The following VSIG8 variants were observed in gnomAD, a reference collection of about 807,000 sequenced individuals.
VSIG8 encodes V-set and immunoglobulin domain-containing protein 8.
In VSIG8, 32 loss-of-function variants were observed where a neutral mutation model predicts 42.6. The observed-to-expected ratio is 0.75, with a 90% CI of 0.57 to 1.01. The LOEUF is 1.01. VSIG8 is among the 50% of genes least tolerant of loss of function. The pLI, the probability that VSIG8 is intolerant of heterozygous loss-of-function variation, is 0.00. For synonymous variants in VSIG8, 290 were observed against 243.8 expected (o/e 1.19, Z -1.77); for missense variants, 529 against 558.0 (o/e 0.95, Z 0.52).
chr1:159,859,151 T>C (rs1648945039), intron 1 of VSIG8, among the ~76,000 whole-genome samples: 8 of 152,224 alleles, frequency 5.3e-5, no homozygotes, highest in Admixed American at 5.2e-4. Context: ...CTTGTATGTA[T>C]ATATGATTAT....
chr1:159,857,694 G>T, intron 4 of VSIG8, 51 bp downstream of exon 4: 1 of 1,511,688 alleles, frequency 6.6e-7, no homozygotes, highest in Non-Finnish European at 9.1e-7. Context: ...AGGTCCCAGA[G>T]TCCCTGATCT....
rs41264827 is a variant in VSIG8, at chr1:159,857,957, G to A, written c.440C>T (p.Ala147Val). Residue 147 changes from alanine to valine, a missense_variant, in exon 4 of 7, where the codon GCA becomes GTA. By Grantham distance (64) the Ala-to-Val change is moderately conservative. Coordinates refer to ENST00000368100, the MANE Select transcript of VSIG8 (RefSeq NM_001013661.1). ...KVIVTVQARPAVPMCWTEGHM... is the reference protein window; with the variant it reads ...KVIVTVQARPVVPMCWTEGHM... ...GCCCTCTGTCCAGCACATGGGCACT[G>A]CAGGTCGTGCTGCAAGGAGGCAGAC... is the stretch of plus-strand genomic sequence containing the variant. The A allele has an allele frequency of 0.02, 31,774 of 1,613,814 alleles. 363 individuals carry two copies. The highest frequency in any genetic ancestry group is 0.023 in the Non-Finnish European group (27,064 of 1,179,832).
At chr1:159,858,443 A>G in intron 2 of VSIG8, 152 bp from the exon 3 acceptor site, 3 of 861,864 alleles carry the variant, frequency 3.5e-6, no homozygotes. Flanking sequence ...CTGACCTCTT[A>G]CAGAACTGGT....
rs1370300976 is a variant in VSIG8 at position 159,862,501 on chromosome 1, G to A, written c.21C>T (p.Phe7=). Residue 7 remains phenylalanine (F), a synonymous_variant, in exon 1 of 7, where the codon TTC becomes TTT. Coordinates refer to ENST00000368100, the MANE Select transcript of VSIG8 (RefSeq NM_001013661.1). ...GGCTCAGGCACACGAGTAGAAGGTG[G>A]AATGCTCCTCCAACTCTCATGTCTC... MRVGGA[F]HLLLVCLSPA... is the part of the protein sequence containing the mutation. The A allele has an allele frequency of 6.2e-7, 1 of 1,613,192 alleles. No individual in the cohort carries two copies. Among genetic ancestry groups the A allele is most frequent in the Non-Finnish European group, 8.5e-7 (1 of 1,179,438 alleles).
intron 1 of VSIG8, among the ~76,000 whole-genome samples, chr1:159,859,784 G>A (rs916215732): frequency 9.9e-5 from 15 of 152,026 alleles, no homozygotes; most frequent in Non-Finnish European, 1.5e-4. Context: ...TGTGTGGCTC[G>A]CATGCAGCTG....
At chr1:159,855,432 T>G (rs755147182) in intron 6 of VSIG8, 2 of 1,415,648 alleles carry the variant, frequency 1.4e-6, no homozygotes, top group Non-Finnish European at 1.8e-6. Flanking sequence ...TTCTCCATCT[T>G]TCCCTCCATC....
chr1:159,854,911 G>C lies in VSIG8; in HGVS notation c.1087C>G (p.Pro363Ala), dbSNP rs1317153949. ...ACGTCCTCGGGGCCGCCGCAGGGGG[G>C]AGGCGCGTACTTGCGGCGCAGGGAG... ...SRSLRRKYAP[P>A]PCGGPEDVAL... Residue 363 changes from proline (P) to alanine (A), a missense_variant, in exon 7 of 7, where the codon CCC becomes GCC. Physicochemically the swap from Pro to Ala is conservative, Grantham distance 27 (BLOSUM62 -1). Coordinates refer to ENST00000368100, the MANE Select transcript of VSIG8 (RefSeq NM_001013661.1). 4.0e-6 allele frequency: 6 copies of C among 1,494,866 alleles called. No homozygotes were observed. Among genetic ancestry groups the C allele is most frequent in the Non-Finnish European group, 5.3e-6 (6 of 1,130,114 alleles). The allele number at this position is 1,494,866 out of a possible 1,614,324, so 92.6% of individuals were successfully genotyped here.
rs746162076 is a variant in VSIG8 at position 159,857,933 on chromosome 1, C to A, written c.464G>T (p.Gly155Val). 1 of 1,614,154 alleles carries A rather than the reference C, an allele frequency of 6.2e-7. No individual in the cohort carries two copies. ...RPAVPMCWTE[G>V]HMTYGNDVVL... ...CACATCGTTGCCATATGTCATGTGG[C>A]CCTCTGTCCAGCACATGGGCACTGC... Residue 155 changes from glycine to valine, a missense_variant, in exon 4 of 7, where the codon GGC becomes GTC. Transcript: ENST00000368100.
In VSIG8 at chr1:159,862,546, G is replaced by T. The variant is rs368431665; in HGVS notation, c.-25C>A. Reference sequence around the variant, plus strand: ...TGTCTCTAGGCTCGGTGTTTCCTCCGTCTGGGCTGGGTATCCCGTGGGGTC... The same window carrying T: ...TGTCTCTAGGCTCGGTGTTTCCTCCTTCTGGGCTGGGTATCCCGTGGGGTC... On this transcript the variant is annotated 5_prime_UTR_variant, in exon 1 of 7. Transcript: ENST00000368100. The T allele has an allele frequency of 3.1e-6, 5 of 1,609,874 alleles. No individual in the cohort carries two copies. The African/African-American group carries it at 6.7e-5, about 22-fold the overall frequency.
rs1319794482 is a variant in VSIG8 at position 159,859,655 on chromosome 1, G to A, written c.50-743C>T. Among the ~76,000 whole-genome samples the A allele has an allele frequency of 3.3e-5, 5 of 152,318 alleles. 1 individual carries two copies. The South Asian group carries it at 6.2e-4, about 19-fold the overall frequency. On this transcript the variant is annotated intron_variant, in intron 1 of 6. Coordinates refer to ENST00000368100, the MANE Select transcript of VSIG8 (RefSeq NM_001013661.1). ...TGTGACCAGGAGCCTGGCTGTGTTC[G>A]TGTGTGATAGTGAGTGATGGTGTGT...
Position 159,854,824 on chromosome 1 carries a change from T to A in VSIG8, c.1174A>T (p.Lys392Ter). Residue 392 changes from lysine (K) to a stop codon, truncating the protein, a stop_gained, in exon 7 of 7, where the codon AAG becomes TAG. Coordinates refer to ENST00000368100, the MANE Select transcript of VSIG8 (RefSeq NM_001013661.1). LOFTEE classifies it high-confidence loss of function. ...TCAGCCGGCTCCGCGCTCTTGACCT[T>A]GACGTAGACCGGGGAGGGGCCCGCT... ...CEAGPSPVYV[K>*]VKSAEPADCA... 1.3e-6 allele frequency: 2 copies of A among 1,499,014 alleles called. No individual in the cohort carries two copies. Among genetic ancestry groups the A allele is most frequent in the Non-Finnish European group, 1.8e-6 (2 of 1,131,706 alleles). The allele number at this position is 1,499,014 out of a possible 1,614,324, so 92.9% of individuals were successfully genotyped here. A position where few individuals can be genotyped will look rare whatever the true frequency, so the allele number is the denominator to read the frequency against.
In VSIG8 at chr1:159,854,953, T is replaced by C; in HGVS notation, c.1045A>G (p.Thr349Ala). Residue 349 changes from threonine (T) to alanine (A), a missense_variant, in exon 7 of 7, where the codon ACG becomes GCG. By Grantham distance (58) the Thr-to-Ala change is moderately conservative. Transcript: ENST00000368100. ...SRVTHLLGYP[T>A]QNVSRSLRRK... ...CGCAGGGAGCGGCTGACGTTCTGCG[T>C]CGGGTACCCCAGGAGGTGGGTGACG... The C allele has an allele frequency of 6.5e-7, 1 of 1,538,140 alleles. No homozygotes were observed. The highest frequency in any genetic ancestry group is 8.7e-7 in the Non-Finnish European group (1 of 1,149,876).
intron 1 of VSIG8, among the ~76,000 whole-genome samples, chr1:159,859,384 A>G (rs1275345643): frequency 6.6e-6 from 1 of 152,176 alleles, no homozygotes; most frequent in East Asian, 1.9e-4. Flanking sequence ...AATGTCACCT[A>G]TGTGGGCTCT....
At chr1:159,856,244 G>C in intron 5 of VSIG8, 163 bp from the exon 6 acceptor site, 1 of 783,054 alleles carries the variant, frequency 1.3e-6, no homozygotes, top group Non-Finnish European at 2.0e-6. Context: ...ATGGGGAGAT[G>C]CAAGTTAACC....
At position 159,862,600 on chromosome 1, in the gene VSIG8, A is replaced by C; in HGVS notation, c.-79T>G. The C allele has an allele frequency of 1.5e-5, 11 of 736,210 alleles. No homozygotes were observed. Among genetic ancestry groups the C allele is most frequent in the Middle Eastern group, 2.8e-4 (1 of 3,626 alleles). The allele number at this position is 736,210 out of a possible 1,614,324, so 45.6% of individuals were successfully genotyped here. ...GTGGTGGGTGTGAGGGGGTAGGTGG[A>C]GGGAGGGGGAGCTGAGGGCCCAGAC... On this transcript the variant is annotated 5_prime_UTR_variant, in exon 1 of 7. Transcript: ENST00000368100.
At position 159,858,754 on chromosome 1, in the gene VSIG8, C is replaced by T. The variant is rs768354873; in HGVS notation, c.208G>A (p.Ala70Thr). ...CTCACCACGTTCTCTCGGTGGTGGG[C>T]GGGGTCTGAGTTGACCTGCATCCAC... ...IEWMQVNSDP[A>T]HHRENVFLSY... The change falls in exon 2 of 7, where the codon GCC becomes ACC. Residue 70 changes from alanine to threonine, a missense_variant. Physicochemically the swap from Ala to Thr is moderately conservative, Grantham distance 58. Transcript: ENST00000368100. 2.0e-5 allele frequency: 32 copies of T among 1,611,990 alleles called. No individual in the cohort carries two copies. The highest frequency in any genetic ancestry group is 4.0e-5 in the African/African-American group (3 of 74,538).
intron 6 of VSIG8, chr1:159,855,262 G>GT (rs1218337540): frequency 6.4e-7 from 1 of 1,550,928 alleles, no homozygotes; most frequent in Non-Finnish European, 8.7e-7. Flanking sequence ...TTGTCCACGC[G>GT]TATCTGGAGA....
chr1:159,857,800 G>A lies in VSIG8; in HGVS notation c.597C>T (p.His199=). The A allele has an allele frequency of 5.0e-6, 8 of 1,614,204 alleles. No homozygotes were observed. Among genetic ancestry groups the A allele is most frequent in the Non-Finnish European group, 5.9e-6 (7 of 1,180,036 alleles). ...GGTAGGACAGCTCTGAGTGGTAGCT[G>A]TGCTGGGAGGTGTAAGACCCAGCTC... ...PYRAGSYTSQ[H]SYHSELSYQE... Residue 199 remains histidine (H), a synonymous_variant, in exon 4 of 7, where the codon CAC becomes CAT. Coordinates refer to ENST00000368100, the MANE Select transcript of VSIG8 (RefSeq NM_001013661.1).
At chr1:159,855,366 C>A in intron 6 of VSIG8, 1 of 1,449,358 alleles carries the variant, frequency 6.9e-7, no homozygotes, top group Non-Finnish European at 9.1e-7. Context: ...CTTTCCTTAG[C>A]TAATCCTGAC....
Sources: gnomAD v4.1 joint callset for allele counts (sites outside exome capture counted in the v4.1 genomes callset) on GRCh38, gnomAD v4.1.1 for gene constraint, MANE v1.5 for transcripts, NCBI Gene and HGNC (gene_info 2026-07-23, HGNC 2026-07-21) for gene names.